Variants in GP6 observed in about 807,000 individuals in gnomAD.
The protein encoded by GP6 is platelet glycoprotein VI.
GP6 carries 45 observed loss-of-function variants against 37.3 expected under a neutral mutation model. The ratio of observed to expected loss-of-function variants is 1.21; its 90% CI spans 0.95 to 1.55. The LOEUF (loss-of-function observed/expected upper bound fraction) is 1.55. Among genes scored for constraint, GP6 ranks in the 40% most tolerant of loss-of-function variants. The pLI is 0.00. For synonymous variants in GP6, 340 were observed against 316.4 expected, an observed-to-expected ratio of 1.07 and a Z score of -0.79; for missense variants, 813 against 760.2, an observed-to-expected ratio of 1.07 and a Z score of -0.82.
At chr19:55,026,429 A>G (rs75454243) in intron 4 of GP6, among the ~76,000 whole-genome samples, 11,732 of 125,824 alleles carry the variant, frequency 0.093, 564 homozygotes, top group Non-Finnish European at 0.12. Flanking sequence ...CTAGAATCAT[A>G]CAGTAGTTGT....
rs1464101461 is a variant in GP6, at chr19:55,015,178, G to A, written c.780-13C>T. 6.4e-6 allele frequency: 10 copies of A among 1,552,678 alleles called. No homozygotes were observed. The highest frequency in any genetic ancestry group is 8.7e-6 in the Non-Finnish European group (10 of 1,147,632). On this transcript the variant is annotated splice_polypyrimidine_tract_variant and intron_variant, in intron 7 of 7. Coordinates refer to ENST00000310373, the MANE Select transcript of GP6 (RefSeq NM_001083899.2). ...TGGCGGGCAGGACCTGGAGGAATGA[G>A]GAGAGGCAGGAGCAGGTGAAAGAGC...
At chr19:55,033,690 T>C (rs548600772) in intron 1 of GP6, among the ~76,000 whole-genome samples, 3 of 152,328 alleles carry the variant, frequency 2.0e-5, no homozygotes, top group East Asian at 3.9e-4. Flanking sequence ...TGCAATTGTA[T>C]AGACAAGTAT....
intron 5 of GP6, among the ~76,000 whole-genome samples, chr19:55,022,566 A>C (rs2074123539): frequency 6.6e-6 from 1 of 152,228 alleles, no homozygotes; most frequent in African/African-American, 2.4e-5. Flanking sequence ...AGGAAATCAA[A>C]CTATCTCTGT....
intron 5 of GP6, among the ~76,000 whole-genome samples, chr19:55,021,986 AC>A (rs1251288433): frequency 6.7e-6 from 1 of 148,160 alleles, no homozygotes; most frequent in African/African-American, 2.5e-5. Context: ...TCCTTTACCC[AC>A]TTTTTAATGG....
chr19:55,018,743 C>G (rs560147832), intron 5 of GP6, 32 bp from the exon 6 acceptor site: 1 of 1,489,830 alleles, frequency 6.7e-7, no homozygotes, highest in South Asian at 1.1e-5. Context: ...AGGTCTTCCC[C>G]GTGGTTCCCT....
intron 4 of GP6, among the ~76,000 whole-genome samples, chr19:55,027,071 A>C (rs1404130471): frequency 0.011 from 16 of 1,454 alleles, no homozygotes; most frequent in South Asian, 0.023. Context: ...CTTCCCACCT[A>C]CGGCCCCGCC....
At position 55,013,730 on chromosome 19, in the gene GP6, A is replaced by C; in HGVS notation, c.*352T>G. The C allele has an allele frequency of 5.4e-6, 1 of 183,818 alleles. No individual in the cohort carries two copies. The highest frequency in any genetic ancestry group is 1.2e-5 in the Non-Finnish European group (1 of 86,530). 11.4% of individuals were successfully genotyped at this position (183,818 alleles called of 1,614,324 possible). A position where few individuals can be genotyped will look rare whatever the true frequency, so the allele number is the denominator to read the frequency against. On this transcript the variant is annotated 3_prime_UTR_variant, in exon 8 of 8. Transcript: ENST00000310373. Reference sequence around the variant, plus strand: ...TTTTAAAACAATTTTTATCTTCTTTATTTTAAGTAGAGATGGGGTCTCACT... The same window carrying C: ...TTTTAAAACAATTTTTATCTTCTTTCTTTTAAGTAGAGATGGGGTCTCACT...
rs140248042 is a variant in GP6, at chr19:55,016,094, A to G, written c.725-361T>C. Among the ~76,000 whole-genome samples the G allele has an allele frequency of 7.5e-3, 1,139 of 151,644 alleles. 12 individuals carry two copies. Among genetic ancestry groups the G allele is most frequent in the African/African-American group, 0.027 (1,099 of 41,354 alleles). ...GAGGTTGAGGCTGCAGTGAGCCAGG[A>G]TTGTACCACTGCACTCTAGCCTGGG... On this transcript the variant is annotated intron_variant, in intron 6 of 7. Coordinates refer to ENST00000310373, the MANE Select transcript of GP6 (RefSeq NM_001083899.2).
intron 6 of GP6, among the ~76,000 whole-genome samples, chr19:55,017,982 C>T (rs992775271): frequency 6.6e-6 from 1 of 152,078 alleles, no homozygotes; most frequent in African/African-American, 2.4e-5. Flanking sequence ...GCAGGAGAAT[C>T]GCTTGAACCC....
At chr19:55,034,716 TACACAC>T (rs796869786) in intron 1 of GP6, among the ~76,000 whole-genome samples, 22 of 148,148 alleles carry the variant, frequency 1.5e-4, no homozygotes, top group African/African-American at 4.7e-4. Context: ...CCCTCATTCT[TACACAC>T]ACACACACAC....
At chr19:55,016,727 T>A (rs2073890502) in intron 6 of GP6, among the ~76,000 whole-genome samples, 1 of 151,348 alleles carries the variant, frequency 6.6e-6, no homozygotes, top group Admixed American at 6.6e-5. Context: ...TACTCAGCCA[T>A]GTGCTGGGCC....
intron 1 of GP6, among the ~76,000 whole-genome samples, chr19:55,037,985 C>T (rs2074902104): frequency 6.6e-6 from 1 of 152,128 alleles, no homozygotes; most frequent in African/African-American, 2.4e-5. Context: ...TGCTAGGATA[C>T]TCTGTTCATT....
chr19:55,020,204 CCTTT>C (rs140087008), intron 5 of GP6, among the ~76,000 whole-genome samples: 45,735 of 114,598 alleles, frequency 0.4, 7,177 homozygotes, highest in East Asian at 0.6. Context: ...CATTAATAAA[CCTTT>C]TTTTTTTTTT....
intron 5 of GP6, among the ~76,000 whole-genome samples, chr19:55,020,433 A>G (rs1039198218): frequency 4.6e-5 from 7 of 151,638 alleles, no homozygotes; most frequent in Non-Finnish European, 8.8e-5. Context: ...ATGTGATCTC[A>G]TTGTTCAGCT....
intron 5 of GP6, among the ~76,000 whole-genome samples, chr19:55,024,315 C>T (rs1450060794): frequency 8.1e-5 from 11 of 135,648 alleles, no homozygotes; most frequent in Non-Finnish European, 1.5e-4. Context: ...CACATATGCA[C>T]GCACACACAC....
intron 5 of GP6, among the ~76,000 whole-genome samples, chr19:55,024,280 A>ACACACATGCACGCG (rs1555798746): frequency 3.3e-5 from 1 of 30,318 alleles, no homozygotes; most frequent in Admixed American, 5.8e-4. Context: ...ACGCATGCAC[A>ACACACATGCACGCG]CACACACATA....
intron 5 of GP6, among the ~76,000 whole-genome samples, chr19:55,024,256 ACGCACACATATGCACGCATG>A (rs2074187581): frequency 8.4e-6 from 1 of 118,392 alleles, no homozygotes; most frequent in Non-Finnish European, 1.9e-5. Context: ...TCAGAAGCAC[ACGCACACATATGCACGCATG>A]CACACACACA....
intron 4 of GP6, among the ~76,000 whole-genome samples, chr19:55,026,968 C>T (rs62122005): frequency 0.037 from 1,931 of 51,892 alleles, 5 homozygotes; most frequent in Non-Finnish European, 0.061. Flanking sequence ...CACCTCTGGC[C>T]CCGCCCCTGC....
In GP6 at chr19:55,015,054, T is replaced by C. The variant is rs749476604; in HGVS notation, c.891A>G (p.Glu297=). The change falls in exon 8 of 8, where the codon GAA becomes GAG. Residue 297 remains glutamate, a synonymous_variant. Transcript: ENST00000310373. ...AGCCCTGCCCCTGTGCCGCAGGCGC[T>C]TCCTCCGGCTGTGCCAGTCCTCTGC... 6.2e-7 allele frequency: 1 copy of C among 1,607,266 alleles called. No individual in the cohort carries two copies. Among genetic ancestry groups the C allele is most frequent in the African/African-American group, 1.3e-5 (1 of 74,756 alleles).
Sources: gnomAD v4.1 joint callset for allele counts (sites outside exome capture counted in the v4.1 genomes callset) on GRCh38, gnomAD v4.1.1 for gene constraint, MANE v1.5 for transcripts, NCBI Gene and HGNC (gene_info 2026-07-23, HGNC 2026-07-21) for gene names.